The following AXDND1 variants were observed in gnomAD, a reference collection of about 807,000 sequenced individuals.
AXDND1 encodes axonemal dynein light chain domain-containing protein 1.
AXDND1 carries 110 observed loss-of-function variants against 137.5 expected under a neutral mutation model. The observed-to-expected ratio is 0.80, with a 90% CI of 0.69 to 0.94. The LOEUF (loss-of-function observed/expected upper bound fraction) is 0.94, where lower values mean the gene tolerates loss of function less well. AXDND1 is among the 40% of genes least tolerant of loss of function. The pLI, the probability that AXDND1 is intolerant of heterozygous loss-of-function variation, is 0.00. For missense variants in AXDND1, 1,191 were observed against 1,169.8 expected (o/e 1.02, Z -0.26); for synonymous variants, 414 against 399.7 (o/e 1.04, Z -0.43).
intron 3 of AXDND1, 68 bp from the exon 4 acceptor site, chr1:179,369,907 C>A: frequency 8.0e-7 from 1 of 1,247,322 alleles, no homozygotes; most frequent in Non-Finnish European, 1.2e-6. Flanking sequence ...TTACTCAAAA[C>A]TATTAATACA....
intron 17 of AXDND1, among the ~76,000 whole-genome samples, chr1:179,469,189 C>A (rs1186427060): frequency 6.6e-6 from 1 of 152,098 alleles, no homozygotes; most frequent in African/African-American, 2.4e-5. Flanking sequence ...CTTGGCCTTC[C>A]AAAGTGCTTA....
At position 179,430,530 on chromosome 1, in the gene AXDND1, G is replaced by A. The variant is rs756094094; in HGVS notation, c.1411G>A (p.Glu471Lys). The A allele has an allele frequency of 2.5e-6, 4 of 1,613,968 alleles. No homozygotes were observed. In the South Asian group the frequency reaches 4.4e-5, roughly 18 times the overall value. The change falls in exon 14 of 26, where the codon GAA becomes AAA. Residue 471 changes from glutamate (E) to lysine (K), a missense_variant. Coordinates refer to ENST00000367618, the MANE Select transcript of AXDND1 (RefSeq NM_144696.6). ...NLVNKLKQEVEQMEESTSETL... is the reference protein window; with the variant it reads ...NLVNKLKQEVKQMEESTSETL... ...AGTGAATAAACTTAAACAAGAGGTA[G>A]AACAAATGGAAGAGTCTACAAGCGA...
chr1:179,518,265 C>T (rs72704465), intron 21 of AXDND1, among the ~76,000 whole-genome samples: 6,599 of 152,254 alleles, frequency 0.043, 230 homozygotes, highest in Non-Finnish European at 0.066. Context: ...CATTTAAAAA[C>T]AGCTGTATTC....
At chr1:179,511,115 C>T (rs1267650573) in intron 21 of AXDND1, among the ~76,000 whole-genome samples, 4 of 151,426 alleles carry the variant, frequency 2.6e-5, no homozygotes, top group African/African-American at 9.7e-5. Flanking sequence ...TGCAGTGAGC[C>T]GAGATCACGC....
Position 179,518,871 on chromosome 1 carries a change from A to G in AXDND1, c.2497-6463A>G, listed in dbSNP as rs560920801. Among the ~76,000 whole-genome samples the G allele has an allele frequency of 1.2e-4, 19 of 152,252 alleles. No individual in the cohort carries two copies. The South Asian group carries it at 3.1e-3, about 25-fold the overall frequency. ...ACATATGCATGCATGTGTCTTTATC[A>G]TAGAATGATTTATATTCCTTCAGGT... is the stretch of plus-strand genomic sequence containing the variant. On this transcript the variant is annotated intron_variant, in intron 21 of 25. Transcript: ENST00000367618.
chr1:179,512,011 C>T (rs529614355), intron 21 of AXDND1, among the ~76,000 whole-genome samples: 84 of 152,158 alleles, frequency 5.5e-4, no homozygotes, highest in African/African-American at 1.9e-3. Context: ...CCACTCTGTG[C>T]GTTGTCTGTT....
chr1:179,419,634 A>AGGGAGATGGTG (rs1262105698), intron 12 of AXDND1, among the ~76,000 whole-genome samples: 20 of 25,218 alleles, frequency 7.9e-4, no homozygotes, highest in Non-Finnish European at 1.5e-3. Flanking sequence ...TGGTGGGGAG[A>AGGGAGATGGTG]GGGAGAGGGA....
chr1:179,488,330 A>G (rs9787120), intron 18 of AXDND1, among the ~76,000 whole-genome samples: 73,757 of 147,766 alleles, frequency 0.5, 21,705 homozygotes, highest in East Asian at 0.76. Context: ...TTCATTTTCA[A>G]AACAACCTCT....
intron 18 of AXDND1, among the ~76,000 whole-genome samples, chr1:179,487,426 T>C (rs1666202563): frequency 6.7e-6 from 1 of 148,738 alleles, no homozygotes; most frequent in Admixed American, 6.6e-5. Context: ...ATAAAACATA[T>C]ACAGAAAGCC....
intron 25 of AXDND1, among the ~76,000 whole-genome samples, chr1:179,550,060 C>T (rs1203006713): frequency 1.3e-5 from 2 of 152,190 alleles, no homozygotes; most frequent in Non-Finnish European, 2.9e-5. Flanking sequence ...TTGGATTCCA[C>T]ATTTGGATTT....
intron 11 of AXDND1, among the ~76,000 whole-genome samples, chr1:179,402,485 T>G (rs1320559024): frequency 1.3e-5 from 2 of 152,194 alleles, no homozygotes; most frequent in Non-Finnish European, 2.9e-5. Flanking sequence ...CCGTTTTCCC[T>G]TTTGTTAACT....
In AXDND1 at chr1:179,429,588, C is replaced by T. The variant is rs781454394; in HGVS notation, c.1301C>T (p.Thr434Ile). The change falls in exon 13 of 26, where the codon ACT becomes ATT. Residue 434 changes from threonine (T) to isoleucine (I), a missense_variant. Transcript: ENST00000367618. Reference sequence around the variant, plus strand: ...AATGAAAAAGGCTGGAATAAATACACTAAGCATTTCATCATACTGCTATCA... The same window carrying T: ...AATGAAAAAGGCTGGAATAAATACATTAAGCATTTCATCATACTGCTATCA... Reference protein sequence around the residue: ...YLNEKGWNKYTKHFIILLSNK... With the variant: ...YLNEKGWNKYIKHFIILLSNK... 6.3e-7 allele frequency: 1 copy of T among 1,575,792 alleles called. No homozygotes were observed. The highest frequency in any genetic ancestry group is 8.6e-7 in the Non-Finnish European group (1 of 1,164,812).
intron 17 of AXDND1, among the ~76,000 whole-genome samples, chr1:179,468,907 T>C (rs1663570480): frequency 6.6e-6 from 1 of 151,840 alleles, no homozygotes; most frequent in Non-Finnish European, 1.5e-5. Context: ...CTACTTTGTC[T>C]TTGTTGATTG....
chr1:179,520,831 C>T (rs1669980051), intron 21 of AXDND1, among the ~76,000 whole-genome samples: 1 of 148,652 alleles, frequency 6.7e-6, no homozygotes, highest in Non-Finnish European at 1.5e-5. Context: ...ACATTCTTTT[C>T]CATTATATCT....
intron 21 of AXDND1, 51 bp downstream of exon 21, chr1:179,509,454 C>T: frequency 8.4e-7 from 1 of 1,192,862 alleles, no homozygotes; most frequent in Admixed American, 1.8e-5. Context: ...TCCTGTATTT[C>T]AGTACAGAAG....
intron 2 of AXDND1, among the ~76,000 whole-genome samples, 172 bp downstream of exon 2, chr1:179,366,778 AG>A (rs111586901): frequency 0.13 from 17,364 of 129,078 alleles, 1,586 homozygotes; most frequent in African/African-American, 0.28. Flanking sequence ...ATTTTGAGTC[AG>A]AGTACTGTTT....
intron 4 of AXDND1, among the ~76,000 whole-genome samples, chr1:179,372,735 G>A (rs977521187): frequency 2.0e-5 from 3 of 152,144 alleles, no homozygotes; most frequent in Admixed American, 1.3e-4. Context: ...CCAGGCTGGA[G>A]TGCAATGGCG....
chr1:179,413,181 C>A (rs907865172), intron 12 of AXDND1, among the ~76,000 whole-genome samples: 10 of 134,560 alleles, frequency 7.4e-5, no homozygotes, highest in Non-Finnish European at 1.4e-4. Flanking sequence ...ACTCGTGATA[C>A]CCTCATGACA....
intron 18 of AXDND1, among the ~76,000 whole-genome samples, chr1:179,491,243 T>A (rs1232155128): frequency 1.3e-5 from 2 of 151,686 alleles, no homozygotes; most frequent in Non-Finnish European, 2.9e-5. Context: ...CCTGGGGAGG[T>A]CAAGGTTGCA....
Sources: gnomAD v4.1 joint callset for allele counts (sites outside exome capture counted in the v4.1 genomes callset) on GRCh38, gnomAD v4.1.1 for gene constraint, MANE v1.5 for transcripts, NCBI Gene and HGNC (gene_info 2026-07-23, HGNC 2026-07-21) for gene names.